The following CMIP variants were observed in gnomAD, a reference collection of about 807,000 sequenced individuals.
CMIP encodes c-Maf inducing protein.
A neutral mutation model predicts 97.3 loss-of-function variants in CMIP; 13 were observed. That is an observed-to-expected ratio of 0.13 (90% CI 0.09 to 0.21). CMIP has a LOEUF of 0.21. Ranked by LOEUF, CMIP falls within the 10% of genes least tolerant of loss-of-function variation. CMIP has a pLI of 1.00. For synonymous variants in CMIP, 538 were observed against 436.3 expected (o/e 1.23, Z -2.91); for missense variants, 847 against 1,024.9 (o/e 0.83, Z 2.37).
At chr16:81,682,401 C>G (rs374840979) in intron 10 of CMIP, among the ~76,000 whole-genome samples, 55 of 152,226 alleles carry the variant, frequency 3.6e-4, no homozygotes, top group African/African-American at 1.2e-3. Flanking sequence ...CTCGTCTCTA[C>G]TAAAAATACA....
chr16:81,578,204 C>T (rs996381502), intron 1 of CMIP, among the ~76,000 whole-genome samples: 1 of 151,478 alleles, frequency 6.6e-6, no homozygotes, highest in African/African-American at 2.4e-5. Context: ...TCACCATCAC[C>T]ATCATCACCA....
At chr16:81,645,739 C>T (rs1195120612) in intron 3 of CMIP, 52 of 916,022 alleles carry the variant, frequency 5.7e-5, no homozygotes, top group Non-Finnish European at 8.7e-5. Context: ...GTGGGGAGCC[C>T]TCCTGAGTTC....
intron 1 of CMIP, among the ~76,000 whole-genome samples, chr16:81,513,827 G>T (rs2089859160): frequency 6.6e-6 from 1 of 152,208 alleles, no homozygotes. Flanking sequence ...GATCCTCTGG[G>T]CTGGCTTTCA....
At chr16:81,531,039 G>T (rs28575068) in intron 1 of CMIP, among the ~76,000 whole-genome samples, 51 of 152,266 alleles carry the variant, frequency 3.3e-4, no homozygotes, top group African/African-American at 1.1e-3. Flanking sequence ...GCACGTTTAC[G>T]CTGTAGTCTC....
chr16:81,592,452 C>T (rs995090501), intron 1 of CMIP, among the ~76,000 whole-genome samples: 1 of 152,228 alleles, frequency 6.6e-6, no homozygotes. Context: ...CTGGGCAGCC[C>T]TCCCCGTGTT....
intron 1 of CMIP, among the ~76,000 whole-genome samples, chr16:81,504,548 C>T (rs913996091): frequency 7.2e-6 from 1 of 139,256 alleles, no homozygotes. Context: ...GAGGCTGAGG[C>T]AGGAGAATCG....
intron 3 of CMIP, chr16:81,645,372 G>A: frequency 1.4e-6 from 2 of 1,451,494 alleles, no homozygotes; most frequent in East Asian, 2.6e-5. Flanking sequence ...ACGCGCGCGA[G>A]CCCCAGAGGC....
At chr16:81,502,099 C>T (rs2089624174) in intron 1 of CMIP, among the ~76,000 whole-genome samples, 1 of 152,212 alleles carries the variant, frequency 6.6e-6, no homozygotes, top group Non-Finnish European at 1.5e-5. Flanking sequence ...GGGGCAGCTA[C>T]TGCCTAGCTC....
intron 1 of CMIP, among the ~76,000 whole-genome samples, chr16:81,489,048 C>T (rs900139612): frequency 1.1e-4 from 17 of 151,266 alleles, no homozygotes; most frequent in African/African-American, 4.1e-4. Context: ...TTTTGTTATT[C>T]ATTCATTTTT....
chr16:81,469,569 C>T (rs1221779107), intron 1 of CMIP, among the ~76,000 whole-genome samples: 1 of 152,214 alleles, frequency 6.6e-6, no homozygotes, highest in African/African-American at 2.4e-5. Flanking sequence ...GACCTGACTA[C>T]ACCCAAGGTC....
At chr16:81,690,430 T>C (rs1009722178) in intron 10 of CMIP, among the ~76,000 whole-genome samples, 4 of 152,226 alleles carry the variant, frequency 2.6e-5, no homozygotes, top group African/African-American at 9.7e-5. Context: ...GAAGAAAAGC[T>C]GTTGTCTGAA....
intron 1 of CMIP, among the ~76,000 whole-genome samples, chr16:81,562,233 G>T (rs1166289073): frequency 6.6e-6 from 1 of 152,214 alleles, no homozygotes; most frequent in Admixed American, 6.5e-5. Flanking sequence ...GATCTCCTGG[G>T]ACCCTCAGCC....
At chr16:81,708,500 A>T (rs190855812) in intron 20 of CMIP, among the ~76,000 whole-genome samples, 2 of 152,304 alleles carry the variant, frequency 1.3e-5, no homozygotes, top group East Asian at 3.9e-4. Flanking sequence ...TGGGAAGAAA[A>T]ATCACTTTCA....
intron 1 of CMIP, among the ~76,000 whole-genome samples, chr16:81,544,642 CTG>C (rs373053831): frequency 2.1e-4 from 31 of 145,492 alleles, no homozygotes; most frequent in South Asian, 4.4e-4. Context: ...GTGTGTGTGC[CTG>C]TGTGTGTGTG....
intron 1 of CMIP, among the ~76,000 whole-genome samples, chr16:81,475,286 C>G (rs1005556460): frequency 6.6e-6 from 1 of 152,214 alleles, no homozygotes; most frequent in Non-Finnish European, 1.5e-5. Context: ...TCTGTTTCAG[C>G]CATGCAAAGC....
intron 1 of CMIP, among the ~76,000 whole-genome samples, chr16:81,559,839 A>G (rs62046637): frequency 0.15 from 22,688 of 152,192 alleles, 1,972 homozygotes; most frequent in African/African-American, 0.25. Flanking sequence ...AAGTCTTTCA[A>G]GAGGTATACA....
chr16:81,621,175 C>A lies in CMIP; in HGVS notation c.477+249C>A. ...AAACCCTATAGCTGTTTTCCTGCTT[C>A]AAAAGGATCATAGAACTGCTTGCTC... On this transcript the variant is annotated intron_variant, in intron 3 of 20. Transcript: ENST00000537098. The surrounding 1 kb of genome is among the most constrained non-coding windows in gnomAD (Gnocchi z 4.1). The A allele has an allele frequency of 4.6e-6, 2 of 436,436 alleles. No individual in the cohort carries two copies. The highest frequency in any genetic ancestry group is 8.4e-6 in the Non-Finnish European group (2 of 238,050). 27.0% of individuals were successfully genotyped at this position (436,436 alleles called of 1,614,324 possible).
chr16:81,519,768 T>A (rs556167754), intron 1 of CMIP: 4 of 152,358 alleles, frequency 2.6e-5, no homozygotes, highest in Admixed American at 2.6e-4. Flanking sequence ...CTCACTCAAG[T>A]ATGTCCATCA....
chr16:81,575,278 C>T (rs960814920), intron 1 of CMIP, among the ~76,000 whole-genome samples: 1 of 152,160 alleles, frequency 6.6e-6, no homozygotes, highest in Non-Finnish European at 1.5e-5. Flanking sequence ...GGGGATGCGT[C>T]GGGCCTCCTC....
Sources: allele counts gnomAD v4.1 joint callset (sites outside exome capture counted in the v4.1 genomes callset), GRCh38; gene constraint gnomAD v4.1.1; non-coding constraint Gnocchi (gnomAD v3.1); transcripts MANE v1.5; gene names NCBI Gene and HGNC (gene_info 2026-07-23, HGNC 2026-07-21).